ADAMTSL1: variants seen among roughly 807,000 people sequenced by gnomAD.
The protein encoded by ADAMTSL1 is ADAMTS-like protein 1.
A neutral mutation model predicts 201.8 loss-of-function variants in ADAMTSL1; 126 were observed. That is an observed-to-expected ratio of 0.62 (90% confidence interval 0.54 to 0.72). The LOEUF is 0.72. ADAMTSL1 is among the 30% of genes least tolerant of loss of function. The pLI is 0.00. For synonymous variants in ADAMTSL1, 1,121 were observed against 903.4 expected, an observed-to-expected ratio of 1.24 and a Z score of -4.32; for missense variants, 2,679 against 2,277.8, an observed-to-expected ratio of 1.18 and a Z score of -3.59.
At chr9:18,160,273 A>T (rs544662874) in intron 1 of ADAMTSL1, among the ~76,000 whole-genome samples, 1 of 152,208 alleles carries the variant, frequency 6.6e-6, no homozygotes, top group African/African-American at 2.4e-5. Context: ...GGCAGTCTTC[A>T]TATGTCCTGG....
At chr9:18,606,408 A>G (rs976755216) in intron 4 of ADAMTSL1, among the ~76,000 whole-genome samples, 1 of 152,144 alleles carries the variant, frequency 6.6e-6, no homozygotes, top group African/African-American at 2.4e-5. Flanking sequence ...ATTGAGATGT[A>G]GTGGGCTAGG....
chr9:18,769,457 T>G (rs977564772), intron 16 of ADAMTSL1, among the ~76,000 whole-genome samples: 1 of 152,236 alleles, frequency 6.6e-6, no homozygotes, highest in African/African-American at 2.4e-5. Flanking sequence ...GCTAGGGTTA[T>G]GTCAGACTGA....
chr9:17,962,127 C>G (rs1211107496), intron 1 of ADAMTSL1, among the ~76,000 whole-genome samples: 1 of 152,174 alleles, frequency 6.6e-6, no homozygotes, highest in Non-Finnish European at 1.5e-5. Context: ...TGTCCTAATT[C>G]CAGTTCCACT....
intron 1 of ADAMTSL1, among the ~76,000 whole-genome samples, chr9:18,052,228 C>A (rs973646731): frequency 6.6e-6 from 1 of 152,188 alleles, no homozygotes; most frequent in African/African-American, 2.4e-5. Flanking sequence ...AGCTTACAGT[C>A]TAGACCAGAA....
intron 7 of ADAMTSL1, among the ~76,000 whole-genome samples, chr9:18,648,347 C>G (rs1290701801): frequency 6.6e-6 from 1 of 150,510 alleles, no homozygotes; most frequent in East Asian, 2.0e-4. Flanking sequence ...ATCCAATTTG[C>G]CAGTCTGTGT....
chr9:18,533,034 A>G (rs1347375722), intron 2 of ADAMTSL1, among the ~76,000 whole-genome samples: 3 of 152,082 alleles, frequency 2.0e-5, no homozygotes, highest in Non-Finnish European at 4.4e-5. Flanking sequence ...CAAGATAAAT[A>G]CTTAGTTTCA....
chr9:18,539,699 A>G (rs559845384), intron 3 of ADAMTSL1, among the ~76,000 whole-genome samples: 1 of 152,330 alleles, frequency 6.6e-6, no homozygotes, highest in South Asian at 2.1e-4. Context: ...GGATTGTCCA[A>G]TCTGATTCCA....
At position 18,889,608 on chromosome 9, in the gene ADAMTSL1, C is replaced by T. The variant is rs781607771; in HGVS notation, c.4503C>T (p.Ala1501=). 16 of 1,613,742 alleles carry T rather than the reference C, an allele frequency of 9.9e-6. No homozygotes were observed. In the Admixed American group the frequency reaches 2.2e-4, roughly 22 times the overall value. ...WSVDRLATCS[A]SCGNRGVQQP... ...TGGACAGACTGGCAACCTGCTCAGC[C>T]TCCTGTGGTAACCGGGGGGTTCAGC... The change falls in exon 25 of 29, where the codon GCC becomes GCT. Residue 1501 remains alanine (A), a synonymous_variant. Transcript: ENST00000380548.
intron 2 of ADAMTSL1, among the ~76,000 whole-genome samples, chr9:18,344,160 G>C (rs1461885417): frequency 1.3e-5 from 2 of 152,006 alleles, no homozygotes; most frequent in Non-Finnish European, 2.9e-5. Flanking sequence ...TTAGGGTTTG[G>C]TTCACCCGAA....
intron 2 of ADAMTSL1, among the ~76,000 whole-genome samples, chr9:18,195,189 A>T (rs1356174883): frequency 6.6e-6 from 1 of 152,100 alleles, no homozygotes; most frequent in Non-Finnish European, 1.5e-5. Flanking sequence ...CAAACAGTAA[A>T]ATTCGTAGTC....
At chr9:18,030,098 A>G (rs905800379) in intron 1 of ADAMTSL1, among the ~76,000 whole-genome samples, 16 of 152,192 alleles carry the variant, frequency 1.1e-4, no homozygotes, top group Non-Finnish European at 1.3e-4. Flanking sequence ...ACATGCACAC[A>G]TATGTTTATT....
rs116190982 is a variant in ADAMTSL1 at position 18,897,171 on chromosome 9, G to A, written c.4851+4575G>A. On this transcript the variant is annotated intron_variant, in intron 26 of 28. Coordinates refer to ENST00000380548, the MANE Select transcript of ADAMTSL1 (RefSeq NM_001040272.6). ...ACCCTGATCCATCTGGCCTCCCTGC[G>A]GGAATTTCAGCAACTCCAACCTGGG... 5.1e-3 allele frequency among the ~76,000 whole-genome samples: 773 copies of A among 152,314 alleles called. 3 individuals carry two copies. The highest frequency in any genetic ancestry group is 0.014 in the Middle Eastern group (4 of 294).
At chr9:18,757,266 A>G (rs757475946) in intron 16 of ADAMTSL1, among the ~76,000 whole-genome samples, 4 of 152,010 alleles carry the variant, frequency 2.6e-5, no homozygotes, top group Non-Finnish European at 5.9e-5. Context: ...AGTCCTCTGC[A>G]TCTTCTGCAA....
chr9:18,390,745 CACAACTCA>C (rs1460260576), intron 2 of ADAMTSL1, among the ~76,000 whole-genome samples: 1 of 151,932 alleles, frequency 6.6e-6, no homozygotes, highest in African/African-American at 2.4e-5. Context: ...TTTCTCGAGA[CACAACTCA>C]GGACCCATTC....
At chr9:18,857,525 C>G (rs1463130413) in intron 23 of ADAMTSL1, among the ~76,000 whole-genome samples, 1 of 152,210 alleles carries the variant, frequency 6.6e-6, no homozygotes, top group South Asian at 2.1e-4. Flanking sequence ...AAGAACATCA[C>G]AGAAGTGATG....
At chr9:18,171,000 G>A (rs559863695) in intron 2 of ADAMTSL1, among the ~76,000 whole-genome samples, 9 of 152,166 alleles carry the variant, frequency 5.9e-5, no homozygotes, top group South Asian at 2.1e-4. Context: ...GATATAAAAT[G>A]TTCATGAATG....
At position 18,909,598 on chromosome 9, in the gene ADAMTSL1, G is replaced by T. The variant is rs897753234; in HGVS notation, c.*1050G>T. 3 of 152,164 alleles carry T rather than the reference G, an allele frequency of 2.0e-5. No individual in the cohort carries two copies. Among genetic ancestry groups the T allele is most frequent in the African/African-American group, 7.2e-5 (3 of 41,384 alleles). 9.4% of individuals were successfully genotyped at this position (152,164 alleles called of 1,614,324 possible). ...TAGGACCTTTGCTGCTCCACCGAAG[G>T]GCCAGGGACTATGGTTAACTTATCA... On this transcript the variant is annotated 3_prime_UTR_variant, in exon 29 of 29. Coordinates refer to ENST00000380548, the MANE Select transcript of ADAMTSL1 (RefSeq NM_001040272.6).
chr9:17,915,430 G>A (rs1392817234), intron 1 of ADAMTSL1, among the ~76,000 whole-genome samples: 1 of 152,134 alleles, frequency 6.6e-6, no homozygotes, highest in Non-Finnish European at 1.5e-5. Flanking sequence ...GCATTGTATA[G>A]ATAGACCACA....
At chr9:18,888,123 G>T in intron 24 of ADAMTSL1, 80 bp downstream of exon 24, 1 of 1,422,556 alleles carries the variant, frequency 7.0e-7, no homozygotes, top group Admixed American at 2.0e-5. Context: ...GCAGAACAAA[G>T]AGATTTCTGA....
Sources: allele counts gnomAD v4.1 joint callset (sites outside exome capture counted in the v4.1 genomes callset), GRCh38; gene constraint gnomAD v4.1.1; transcripts MANE v1.5; gene names NCBI Gene and HGNC (gene_info 2026-07-23, HGNC 2026-07-21).